The following ZBTB38 variants were observed in gnomAD, a reference collection of about 807,000 sequenced individuals.
ZBTB38 encodes zinc finger and BTB domain-containing protein 38.
ZBTB38 carries 20 observed loss-of-function variants against 76.8 expected under a neutral mutation model. The observed-to-expected ratio is 0.26, with a 90% CI of 0.18 to 0.38. The LOEUF (loss-of-function observed/expected upper bound fraction) is 0.38, where lower values mean the gene tolerates loss of function less well. Among genes scored for constraint, ZBTB38 ranks in the 10% least tolerant of loss-of-function variants. ZBTB38 has a pLI of 1.00. For synonymous variants in ZBTB38, 504 were observed against 544.2 expected, an observed-to-expected ratio of 0.93 and a Z score of 1.03; for missense variants, 1,082 against 1,482.3, an observed-to-expected ratio of 0.73 and a Z score of 4.43.
intron 5 of ZBTB38, among the ~76,000 whole-genome samples, chr3:141,406,925 A>C (rs1954711735): frequency 1.3e-5 from 2 of 152,200 alleles, no homozygotes; most frequent in African/African-American, 4.8e-5. Context: ...TGTATGATGA[A>C]TATTAAGTGG....
rs1462031879 is a variant in ZBTB38 at position 141,413,921 on chromosome 3, G to A, written c.-1+9890G>A. ...TAAAGGGATCCTTAAGAAATAGTAT[G>A]TCACCCAAATATATTCTGTGGTAAG... On this transcript the variant is annotated intron_variant, in intron 5 of 5. Transcript: ENST00000321464. This position sits in a 1 kb window ranked among gnomAD's most constrained non-coding sequence, Gnocchi z 4.1. 6.6e-6 allele frequency among the ~76,000 whole-genome samples: 1 copy of A among 152,162 alleles called. No individual in the cohort carries two copies. Among genetic ancestry groups the A allele is most frequent in the African/African-American group, 2.4e-5 (1 of 41,426 alleles).
chr3:141,361,715 G>A (rs1943831535), intron 1 of ZBTB38, among the ~76,000 whole-genome samples: 1 of 152,198 alleles, frequency 6.6e-6, no homozygotes, highest in African/African-American at 2.4e-5. Context: ...GCAAACAGAA[G>A]TTACTCCTTC....
At chr3:141,375,405 T>C (rs1945228465) in intron 2 of ZBTB38, among the ~76,000 whole-genome samples, 1 of 152,200 alleles carries the variant, frequency 6.6e-6, no homozygotes, top group Non-Finnish European at 1.5e-5. Context: ...ACGCCCTGCC[T>C]CAGCCAAGGA....
intron 3 of ZBTB38, among the ~76,000 whole-genome samples, chr3:141,385,677 T>C (rs1022817786): frequency 3.0e-4 from 45 of 151,066 alleles, no homozygotes; most frequent in African/African-American, 9.9e-4. Flanking sequence ...TGTGTGTGTG[T>C]GTGCGCGTGT....
chr3:141,333,158 T>C (rs1942902619), intron 1 of ZBTB38, among the ~76,000 whole-genome samples: 1 of 152,136 alleles, frequency 6.6e-6, no homozygotes, highest in South Asian at 2.1e-4. Context: ...CAGGGGACAG[T>C]GTAAAGCCCA....
At chr3:141,427,755 C>A (rs533766827) in intron 5 of ZBTB38, 1 of 152,380 alleles carries the variant, frequency 6.6e-6, no homozygotes, top group Non-Finnish European at 1.5e-5. Context: ...GCACCCTGAC[C>A]GGCAGGTCCC....
chr3:141,429,914 C>T (rs372459749), intron 5 of ZBTB38, among the ~76,000 whole-genome samples: 3 of 152,094 alleles, frequency 2.0e-5, no homozygotes, highest in Non-Finnish European at 2.9e-5. Flanking sequence ...TGGGAGGGAA[C>T]GAGTGAGTCT....
chr3:141,375,813 C>G (rs1945285523), intron 2 of ZBTB38, among the ~76,000 whole-genome samples: 1 of 152,116 alleles, frequency 6.6e-6, no homozygotes, highest in Non-Finnish European at 1.5e-5. Context: ...ACTGTGTGAC[C>G]TCACAGTCAG....
chr3:141,418,335 G>A (rs1324747295), intron 5 of ZBTB38, among the ~76,000 whole-genome samples: 1 of 152,154 alleles, frequency 6.6e-6, no homozygotes, highest in African/African-American at 2.4e-5. Context: ...TCCTGCCTTT[G>A]CTTAGACCTC....
chr3:141,449,316 C>CTGTG lies in ZBTB38; in HGVS notation c.*3342_*3345dup. On this transcript the variant is annotated 3_prime_UTR_variant, in exon 6 of 6. Transcript: ENST00000321464. ...TGCCCTGGAACAGGATTAAAGGAGG[C>CTGTG]TGTGTCAGGTTCAGCTTCCCCTGAA... 6.6e-6 allele frequency: 1 copy of CTGTG among 152,216 alleles called. No homozygotes were observed. The allele number at this position is 152,216 out of a possible 1,614,324, so 9.4% of individuals were successfully genotyped here.
intron 1 of ZBTB38, among the ~76,000 whole-genome samples, chr3:141,345,683 A>C (rs1458374051): frequency 6.6e-6 from 1 of 151,916 alleles, no homozygotes; most frequent in African/African-American, 2.4e-5. Flanking sequence ...TGAGCTCAGA[A>C]AGGCTGCTTA....
intron 1 of ZBTB38, among the ~76,000 whole-genome samples, chr3:141,337,908 A>G (rs930357795): frequency 2.0e-5 from 3 of 152,236 alleles, no homozygotes; most frequent in South Asian, 4.1e-4. Flanking sequence ...TTACTCTCAG[A>G]TAATAATTAT....
rs145418929 is a variant in ZBTB38, at chr3:141,428,690, T to G, written c.1-13699T>G. Among the ~76,000 whole-genome samples, 1,413 of 152,232 alleles carry G rather than the reference T, an allele frequency of 9.3e-3. 9 individuals carry two copies. Among genetic ancestry groups the G allele is most frequent in the Non-Finnish European group, 0.015 (1,027 of 68,002 alleles). On this transcript the variant is annotated intron_variant, in intron 5 of 5. Transcript: ENST00000321464. ...GGGGTTTCACCATGTTGGTCAGGCT[T>G]GTCTCAAACTCCTGACCTCAGATGA...
intron 2 of ZBTB38, among the ~76,000 whole-genome samples, chr3:141,371,041 CTTTCTT>C (rs1470465425): frequency 1.3e-5 from 1 of 75,458 alleles, no homozygotes; most frequent in African/African-American, 6.6e-5. Flanking sequence ...TCTTTTCTTT[CTTTCTT>C]TTTTTTTTTT....
intron 1 of ZBTB38, among the ~76,000 whole-genome samples, chr3:141,356,723 T>G (rs1471674325): frequency 6.6e-6 from 1 of 151,806 alleles, no homozygotes; most frequent in African/African-American, 2.4e-5. Context: ...GGGCAATTCT[T>G]AAATTCTCAC....
At chr3:141,407,442 GTAAT>G (rs1425478127) in intron 5 of ZBTB38, among the ~76,000 whole-genome samples, 1 of 152,194 alleles carries the variant, frequency 6.6e-6, no homozygotes, top group South Asian at 2.1e-4. Flanking sequence ...ACCATAGTAG[GTAAT>G]TAATTAATAT....
At chr3:141,402,091 T>C (rs1952201952) in intron 4 of ZBTB38, among the ~76,000 whole-genome samples, 1 of 152,178 alleles carries the variant, frequency 6.6e-6, no homozygotes, top group Non-Finnish European at 1.5e-5. Flanking sequence ...AGGTTCTGAA[T>C]TGTGTCCTCC....
At chr3:141,425,920 A>G (rs2076293583) in intron 5 of ZBTB38, among the ~76,000 whole-genome samples, 1 of 152,230 alleles carries the variant, frequency 6.6e-6, no homozygotes, top group Non-Finnish European at 1.5e-5. Flanking sequence ...GTAAAATGAG[A>G]AAGATTGCTG....
intron 1 of ZBTB38, among the ~76,000 whole-genome samples, chr3:141,326,814 C>T (rs1452669942): frequency 6.6e-6 from 1 of 152,172 alleles, no homozygotes; most frequent in Non-Finnish European, 1.5e-5. Flanking sequence ...TTTCCAATTC[C>T]TCCCTCTTGA....
Sources: gnomAD v4.1 joint callset for allele counts (sites outside exome capture counted in the v4.1 genomes callset) on GRCh38, gnomAD v4.1.1 for gene constraint, Gnocchi (gnomAD v3.1) non-coding constraint, MANE v1.5 for transcripts, NCBI Gene and HGNC (gene_info 2026-07-23, HGNC 2026-07-21) for gene names.